IQCM: variants seen among roughly 807,000 people sequenced by gnomAD.
The protein encoded by IQCM is IQ motif containing M.
A neutral mutation model predicts 57.6 loss-of-function variants in IQCM; 45 were observed. The observed-to-expected ratio is 0.78, with a 90% CI of 0.62 to 1.00. The LOEUF is 1.00. IQCM is among the 50% of genes least tolerant of loss of function. IQCM has a pLI of 0.00. For missense variants in IQCM, 468 were observed against 511.6 expected, an observed-to-expected ratio of 0.91 and a Z score of 0.82; for synonymous variants, 148 against 158.9, an observed-to-expected ratio of 0.93 and a Z score of 0.51.
chr4:149,397,979 A>T (rs539157513), intron 13 of IQCM, among the ~76,000 whole-genome samples: 76 of 152,046 alleles, frequency 5.0e-4, no homozygotes, highest in African/African-American at 1.8e-3. Flanking sequence ...TGTCGTACCT[A>T]TGATATTATT....
At chr4:149,633,407 A>G (rs1757461160) in intron 7 of IQCM, among the ~76,000 whole-genome samples, 1 of 152,090 alleles carries the variant, frequency 6.6e-6, no homozygotes, top group Non-Finnish European at 1.5e-5. Context: ...AAGTCTTAAG[A>G]GGATGAAGAA....
intron 13 of IQCM, among the ~76,000 whole-genome samples, chr4:149,406,961 C>G (rs1733021200): frequency 2.0e-5 from 3 of 149,564 alleles, no homozygotes; most frequent in Non-Finnish European, 1.5e-5. Flanking sequence ...TGGTGGCAGG[C>G]AAGATAGAAT....
intron 13 of IQCM, among the ~76,000 whole-genome samples, chr4:149,403,451 A>G (rs893276092): frequency 6.6e-6 from 1 of 152,020 alleles, no homozygotes; most frequent in Non-Finnish European, 1.5e-5. Context: ...AGTTTAAAGG[A>G]TCTTCAATTA....
intron 2 of IQCM, among the ~76,000 whole-genome samples, chr4:149,776,204 G>A (rs1427898162): frequency 2.6e-5 from 4 of 151,982 alleles, no homozygotes; most frequent in Non-Finnish European, 5.9e-5. Flanking sequence ...AAATGTCCAA[G>A]GAAAATTGGA....
intron 2 of IQCM, among the ~76,000 whole-genome samples, chr4:149,786,263 G>A (rs971884752): frequency 6.6e-5 from 10 of 152,206 alleles, no homozygotes; most frequent in African/African-American, 2.2e-4. Flanking sequence ...GCCAGGTGGA[G>A]CCAGGCAAGC....
At chr4:149,370,096 G>T (rs931007124) in intron 13 of IQCM, among the ~76,000 whole-genome samples, 1 of 152,098 alleles carries the variant, frequency 6.6e-6, no homozygotes, top group Non-Finnish European at 1.5e-5. Context: ...GTTTCCCTAT[G>T]TTGCCCAGGC....
intron 13 of IQCM, among the ~76,000 whole-genome samples, chr4:149,421,469 T>C (rs994590235): frequency 1.1e-4 from 17 of 152,050 alleles, no homozygotes; most frequent in African/African-American, 3.9e-4. Flanking sequence ...ATGGTCAAAA[T>C]TGTTAGAGAA....
chr4:149,727,053 A>G (rs1766013326), intron 5 of IQCM, among the ~76,000 whole-genome samples: 1 of 152,072 alleles, frequency 6.6e-6, no homozygotes, highest in African/African-American at 2.4e-5. Flanking sequence ...CCTGGCTCCA[A>G]ATATATTATA....
chr4:149,604,689 C>G (rs980297021), intron 8 of IQCM, among the ~76,000 whole-genome samples: 2 of 152,156 alleles, frequency 1.3e-5, no homozygotes, highest in Admixed American at 1.3e-4. Context: ...TAAACCTTCC[C>G]TAGTTCATAA....
intron 2 of IQCM, among the ~76,000 whole-genome samples, chr4:149,801,608 G>A (rs1182922183): frequency 6.6e-6 from 1 of 151,944 alleles, no homozygotes; most frequent in Non-Finnish European, 1.5e-5. Context: ...TGCAGCTGGA[G>A]ATCATTATGT....
intron 13 of IQCM, among the ~76,000 whole-genome samples, chr4:149,426,080 AG>A (rs1405897155): frequency 6.6e-6 from 1 of 151,984 alleles, no homozygotes; most frequent in African/African-American, 2.4e-5. Flanking sequence ...ATATTCTAAG[AG>A]TTCTACAGCC....
intron 2 of IQCM, among the ~76,000 whole-genome samples, chr4:149,752,637 C>T (rs1207338710): frequency 6.6e-6 from 1 of 151,562 alleles, no homozygotes; most frequent in Non-Finnish European, 1.5e-5. Flanking sequence ...TAGTCATCTT[C>T]AAGGGCCAGA....
intron 2 of IQCM, among the ~76,000 whole-genome samples, chr4:149,768,932 T>C (rs1467990540): frequency 6.6e-6 from 1 of 152,088 alleles, no homozygotes; most frequent in Non-Finnish European, 1.5e-5. Context: ...TTATTAAAAA[T>C]ATACTTATGG....
intron 10 of IQCM, among the ~76,000 whole-genome samples, chr4:149,553,665 G>A (rs1749256250): frequency 1.3e-5 from 2 of 152,096 alleles, no homozygotes; most frequent in Admixed American, 1.3e-4. Flanking sequence ...TCCACTCTGG[G>A]TGCTCAAATC....
chr4:149,538,121 T>A (rs72726122), intron 12 of IQCM, among the ~76,000 whole-genome samples: 2,903 of 151,614 alleles, frequency 0.019, 36 homozygotes, highest in Non-Finnish European at 0.029. Flanking sequence ...ATAAAAGATA[T>A]CTGCAAATGT....
intron 13 of IQCM, among the ~76,000 whole-genome samples, chr4:149,423,691 T>C (rs1375370442): frequency 6.6e-6 from 1 of 152,008 alleles, no homozygotes; most frequent in Non-Finnish European, 1.5e-5. Flanking sequence ...TAATTATTTA[T>C]ATATATCTTT....
chr4:149,562,864 G>A (rs1486942005), intron 10 of IQCM, among the ~76,000 whole-genome samples: 4 of 152,184 alleles, frequency 2.6e-5, no homozygotes, highest in Non-Finnish European at 4.4e-5. Context: ...AGAGAAATGT[G>A]TTCAGGATGC....
chr4:149,710,097 T>C (rs923536522), intron 5 of IQCM, among the ~76,000 whole-genome samples: 38 of 152,288 alleles, frequency 2.5e-4, no homozygotes, highest in Non-Finnish European at 1.5e-5. Context: ...AGAAAAGTTA[T>C]ACACTCATTT....
At chr4:149,354,119 C>A (rs1423196181) in intron 13 of IQCM, among the ~76,000 whole-genome samples, 1 of 151,786 alleles carries the variant, frequency 6.6e-6, no homozygotes. Flanking sequence ...AATCCCAGCA[C>A]TTTGGGAGGC....
Sources: allele counts gnomAD v4.1 joint callset (sites outside exome capture counted in the v4.1 genomes callset), GRCh38; gene constraint gnomAD v4.1.1; transcripts MANE v1.5; gene names NCBI Gene and HGNC (gene_info 2026-07-23, HGNC 2026-07-21).